Variants in NDRG2 observed in about 807,000 individuals in gnomAD.
NDRG2 encodes protein NDRG2.
A neutral mutation model predicts 58.2 loss-of-function variants in NDRG2; 34 were observed. That is an observed-to-expected ratio of 0.58 (90% CI 0.44 to 0.78). The LOEUF is 0.78. NDRG2 is among the 30% of genes least tolerant of loss of function. NDRG2 has a pLI of 0.00. For synonymous variants in NDRG2, 187 were observed against 175.9 expected (o/e 1.06, Z -0.50); for missense variants, 434 against 471.2 (o/e 0.92, Z 0.73).
chr14:21,060,713 T>C (rs540748544), intron 1 of NDRG2, among the ~76,000 whole-genome samples: 1 of 152,214 alleles, frequency 6.6e-6, no homozygotes, highest in Admixed American at 6.5e-5. Context: ...ACTAAGTTCA[T>C]AATCTGCCTG....
At chr14:21,032,413 A>G (rs1884279165) in intron 1 of NDRG2, 1 of 440,152 alleles carries the variant, frequency 2.3e-6, no homozygotes, top group Non-Finnish European at 4.5e-6. Flanking sequence ...TTCACACATT[A>G]CTGATATCCA....
chr14:21,030,316 A>G (rs1594472888), upstream of NDRG2: 1 of 450,438 alleles, frequency 2.2e-6, no homozygotes, highest in Non-Finnish European at 4.1e-6. Context: ...TACATAAAAG[A>G]GGTAGGGGAA....
At chr14:21,031,826 T>C in intron 1 of NDRG2, 1 of 1,538,352 alleles carries the variant, frequency 6.5e-7, no homozygotes, top group South Asian at 1.2e-5. Flanking sequence ...TCTCGGGCCA[T>C]CTTTGGGGAA....
In NDRG2 at chr14:21,034,137, T is replaced by G. The variant is rs773783067; in HGVS notation, c.25-10816A>C. On this transcript the variant is annotated intron_variant, in intron 1 of 14. Coordinates refer to the NDRG2 transcript ENST00000403829. ...CATATAGGACATCAGACCATTACAA[T>G]AGCCCCGGAAACCCTTTGGGTAGTT... is the stretch of plus-strand genomic sequence containing the variant. 56 of 1,614,078 alleles carry G rather than the reference T, an allele frequency of 3.5e-5. No homozygotes were observed. In the East Asian group the frequency reaches 1.2e-3, roughly 36 times the overall value.
At chr14:21,021,658 C>T in intron 6 of NDRG2, 159 bp downstream of exon 6, 1 of 829,270 alleles carries the variant, frequency 1.2e-6, no homozygotes, top group Non-Finnish European at 1.9e-6. Flanking sequence ...CCAAACCCAC[C>T]ACCTTTTCTC....
rs1184768839 is a variant in NDRG2 at position 21,017,481 on chromosome 14, C to T, written c.*115G>A. ...CAATCAAAGATCAAGGTCATCTCCC[C>T]GCATGATCTGCCCTTTTTCCCTTGC... On this transcript the variant is annotated 3_prime_UTR_variant, in exon 16 of 16. Transcript: ENST00000556147. 7 of 1,175,778 alleles carry T rather than the reference C, an allele frequency of 6.0e-6. No individual in the cohort carries two copies. The highest frequency in any genetic ancestry group is 1.6e-5 in the South Asian group (1 of 63,442). 72.8% of individuals were successfully genotyped at this position (1,175,778 alleles called of 1,614,324 possible).
rs1250824432 is a variant in NDRG2, at chr14:21,022,083, C to T, written c.323G>A (p.Gly108Glu). 6.2e-7 allele frequency: 1 copy of T among 1,614,012 alleles called. No homozygotes were observed. Among genetic ancestry groups the T allele is most frequent in the African/African-American group, 1.3e-5 (1 of 74,892 alleles). ...TTACCCCAAAGGGAACACAGGGGCT[C>T]CCTCTTCCATTCCAGGGGCATCCAC... ...VHVDAPGMEE[G>E]APVFPLGYQY... The change falls in exon 5 of 16, where the codon GGA (glycine) becomes GAA (glutamate). Residue 108 changes from glycine (G) to glutamate (E), a missense_variant. Coordinates refer to ENST00000556147, the MANE Select transcript of NDRG2 (RefSeq NM_001320329.2).
chr14:21,018,122 C>G lies in NDRG2; in HGVS notation c.897+82G>C, dbSNP rs534676734. 7.0e-5 allele frequency: 112 copies of G among 1,600,300 alleles called. No homozygotes were observed. The African/African-American group carries it at 1.3e-3, about 19-fold the overall frequency. On this transcript the variant is annotated intron_variant, in intron 14 of 15. Coordinates refer to ENST00000556147, the MANE Select transcript of NDRG2 (RefSeq NM_001320329.2). ...GCCTGAGGCTGCGGCACTGTGGGGC[C>G]GGGTGTGTGGCAAAGGGCAGAGCCC...
At chr14:21,018,949 A>G in intron 11 of NDRG2, 135 bp from the exon 12 acceptor site, 1 of 1,290,314 alleles carries the variant, frequency 7.8e-7, no homozygotes, top group Admixed American at 2.3e-5. Context: ...TGATGCCACC[A>G]AGAGGATTCA....
upstream of NDRG2, chr14:21,025,763 A>C: frequency 8.0e-6 from 7 of 873,040 alleles, no homozygotes; most frequent in African/African-American, 1.8e-5. The surrounding 1 kb of genome is among the most constrained non-coding windows in gnomAD (Gnocchi z 5.1). Flanking sequence ...GGGGGCGGGG[A>C]ATGCGGGGGG....
chr14:21,026,756 T>G (rs1883689876), upstream of NDRG2, among the ~76,000 whole-genome samples: 1 of 151,966 alleles, frequency 6.6e-6, no homozygotes, highest in South Asian at 2.1e-4. Flanking sequence ...CCTTTATAAC[T>G]TTTTCCCCAG....
At position 21,070,587 on chromosome 14, in the gene NDRG2, G is replaced by A. The variant is rs574697341; in HGVS notation, c.24+241C>T. On this transcript the variant is annotated intron_variant, in intron 1 of 14. Coordinates refer to the NDRG2 transcript ENST00000403829. The surrounding 1 kb of genome is among the most constrained non-coding windows in gnomAD (Gnocchi z 4.7). ...CCGACTGTTTAGCTCTGTCCCCACCGGGTATTGCCCTCACCCTTTCTTCCT... is the reference window on the plus strand; with the variant it reads ...CCGACTGTTTAGCTCTGTCCCCACCAGGTATTGCCCTCACCCTTTCTTCCT... 1.3e-5 allele frequency among the ~76,000 whole-genome samples: 2 copies of A among 151,496 alleles called. No individual in the cohort carries two copies. Among genetic ancestry groups the A allele is most frequent in the Admixed American group, 1.3e-4 (2 of 15,232 alleles).
In NDRG2 at chr14:21,022,441, G is replaced by A. The variant is rs200887255; in HGVS notation, c.174C>T (p.Pro58=). 126 of 1,613,974 alleles carry A rather than the reference G, an allele frequency of 7.8e-5. No homozygotes were observed. Among genetic ancestry groups the A allele is most frequent in the Non-Finnish European group, 1.9e-5 (23 of 1,179,980 alleles). Residue 58 remains proline, a synonymous_variant, in exon 4 of 16, where the codon CCC becomes CCT. Coordinates refer to ENST00000556147, the MANE Select transcript of NDRG2 (RefSeq NM_001320329.2). ...TAAGGATCGCTGGGCGTTTGGGTTT[G>A]GGGGTGCCATAGACAGTGAAAGTGA... ...GSVTFTVYGT[P]KPKRPAILTY... is the part of the protein sequence containing the mutation.
intron 1 of NDRG2, among the ~76,000 whole-genome samples, chr14:21,041,018 G>T (rs1203712596): frequency 2.6e-5 from 4 of 151,770 alleles, no homozygotes; most frequent in Non-Finnish European, 5.9e-5. Flanking sequence ...TTGAGACAGG[G>T]TCTCACTCTG....
chr14:21,052,660 T>A (rs2139138758), intron 1 of NDRG2, among the ~76,000 whole-genome samples: 1 of 152,108 alleles, frequency 6.6e-6, no homozygotes, highest in South Asian at 2.1e-4. Flanking sequence ...GCAAGGTGAG[T>A]AGGAGAAGGC....
chr14:21,046,492 C>T (rs11621027), intron 1 of NDRG2, among the ~76,000 whole-genome samples: 5 of 17,718 alleles, frequency 2.8e-4, no homozygotes, highest in African/African-American at 4.6e-4. Flanking sequence ...CCAGCCTGGG[C>T]ACCACTGCAC....
intron 1 of NDRG2, among the ~76,000 whole-genome samples, chr14:21,066,330 T>G (rs1201030074): frequency 1.3e-5 from 2 of 151,754 alleles, no homozygotes; most frequent in Non-Finnish European, 2.9e-5. Context: ...TTTTTGTTTT[T>G]TTTTTTTGGA....
At chr14:21,043,641 T>TC (rs1482164234) in intron 1 of NDRG2, 2 of 580,514 alleles carry the variant, frequency 3.4e-6, no homozygotes, top group Admixed American at 6.9e-5. Flanking sequence ...GGATGGCTTT[T>TC]CATCTTTTTG....
intron 1 of NDRG2, chr14:21,033,835 G>A: frequency 6.2e-7 from 1 of 1,610,974 alleles, no homozygotes; most frequent in Non-Finnish European, 8.5e-7. Flanking sequence ...CCCGAATAGA[G>A]ACCAGCGATA....
Sources: allele counts gnomAD v4.1 joint callset (sites outside exome capture counted in the v4.1 genomes callset), GRCh38; gene constraint gnomAD v4.1.1; non-coding constraint Gnocchi (gnomAD v3.1); transcripts MANE v1.5; gene names NCBI Gene and HGNC (gene_info 2026-07-23, HGNC 2026-07-21).